Variants in PTPRT observed in about 807,000 individuals in gnomAD.
The protein encoded by PTPRT is receptor-type tyrosine-protein phosphatase T.
PTPRT carries 56 observed loss-of-function variants against 176.8 expected under a neutral mutation model. That is an observed-to-expected ratio of 0.32 (90% confidence interval 0.26 to 0.40). The LOEUF is 0.40. Ranked by LOEUF, PTPRT falls within the 10% of genes least tolerant of loss-of-function variation. The probability of loss-of-function intolerance (pLI) is 1.00; values close to 1 mark genes in which losing one functional copy is unlikely to be tolerated. For missense variants in PTPRT, 1,540 were observed against 1,908.2 expected, an observed-to-expected ratio of 0.81 and a Z score of 3.60; for synonymous variants, 783 against 739.0, an observed-to-expected ratio of 1.06 and a Z score of -0.96.
At chr20:43,171,246 A>C (rs1301677595) in intron 1 of PTPRT, among the ~76,000 whole-genome samples, 1 of 152,212 alleles carries the variant, frequency 6.6e-6, no homozygotes, top group African/African-American at 2.4e-5. Context: ...ACAAGACAGA[A>C]CACAGAATCT....
chr20:42,210,950 A>C (rs2055609476), intron 15 of PTPRT, among the ~76,000 whole-genome samples: 1 of 151,450 alleles, frequency 6.6e-6, no homozygotes, highest in Non-Finnish European at 1.5e-5. Context: ...AAACAGAGAT[A>C]TAGATCAATG....
At chr20:42,575,184 G>T (rs557150170) in intron 7 of PTPRT, among the ~76,000 whole-genome samples, 1 of 152,286 alleles carries the variant, frequency 6.6e-6, no homozygotes, top group East Asian at 1.9e-4. Context: ...ACGCAGGAAG[G>T]TGGGTCCCAG....
At chr20:42,794,617 C>A (rs944874714) in intron 2 of PTPRT, among the ~76,000 whole-genome samples, 6 of 152,216 alleles carry the variant, frequency 3.9e-5, no homozygotes, top group African/African-American at 1.4e-4. Context: ...CAGAAGGCTA[C>A]TCACCTATTA....
At chr20:42,713,519 C>T (rs1047382711) in intron 6 of PTPRT, among the ~76,000 whole-genome samples, 2 of 152,148 alleles carry the variant, frequency 1.3e-5, no homozygotes, top group Non-Finnish European at 1.5e-5. Context: ...TCATCCATTG[C>T]TCTTCAGAAA....
chr20:42,969,225 C>T (rs1435476966), intron 1 of PTPRT: 7 of 152,140 alleles, frequency 4.6e-5, no homozygotes, highest in Non-Finnish European at 1.5e-5. Context: ...GATGAATCCA[C>T]CTAGGGGTAG....
intron 9 of PTPRT, among the ~76,000 whole-genome samples, chr20:42,412,422 T>C (rs1250035293): frequency 1.3e-5 from 2 of 152,164 alleles, no homozygotes; most frequent in Non-Finnish European, 2.9e-5. Context: ...CAATGAGAAG[T>C]CCTCACAAGG....
chr20:42,806,498 A>C (rs2077611291), intron 2 of PTPRT, among the ~76,000 whole-genome samples: 1 of 151,888 alleles, frequency 6.6e-6, no homozygotes, highest in African/African-American at 2.4e-5. Flanking sequence ...AAAAAAAAAA[A>C]AAAACCCAAA....
chr20:42,326,350 A>G (rs1210177466), intron 11 of PTPRT, among the ~76,000 whole-genome samples: 2 of 152,218 alleles, frequency 1.3e-5, no homozygotes, highest in Admixed American at 1.3e-4. Context: ...CCAATGCAAT[A>G]AGACACAAAA....
At position 42,470,324 on chromosome 20, in the gene PTPRT, G is replaced by A. The variant is rs62204877; in HGVS notation, c.1450+1942C>T. Among the ~76,000 whole-genome samples the A allele has an allele frequency of 7.9e-3, 1,205 of 152,312 alleles. 11 individuals are homozygous for A. Among genetic ancestry groups the A allele is most frequent in the Middle Eastern group, 0.014 (4 of 294 alleles). On this transcript the variant is annotated intron_variant, in intron 8 of 30. Transcript: ENST00000373187. Reference sequence around the variant, plus strand: ...TTGCCTAACTTAGGACATCTGTGATGCATGGCCCACCCTGAACAGTTCCCT... The same window carrying A: ...TTGCCTAACTTAGGACATCTGTGATACATGGCCCACCCTGAACAGTTCCCT...
intron 9 of PTPRT, among the ~76,000 whole-genome samples, chr20:42,363,840 T>C (rs1600896353): frequency 6.6e-6 from 1 of 152,140 alleles, no homozygotes; most frequent in Non-Finnish European, 1.5e-5. Flanking sequence ...ACCCCGGCAG[T>C]ATGAATCTAG....
At chr20:42,258,866 C>G (rs930178008) in intron 13 of PTPRT, among the ~76,000 whole-genome samples, 2 of 152,158 alleles carry the variant, frequency 1.3e-5, no homozygotes, top group Admixed American at 1.3e-4. Context: ...TAGCTCTACC[C>G]TTGCTGTGGA....
chr20:42,709,908 C>G (rs1009790174), intron 6 of PTPRT, among the ~76,000 whole-genome samples: 1 of 152,120 alleles, frequency 6.6e-6, no homozygotes, highest in African/African-American at 2.4e-5. Flanking sequence ...TCATGTTACA[C>G]CCTAGCAAAA....
At chr20:42,693,664 A>G (rs1330665520) in intron 6 of PTPRT, among the ~76,000 whole-genome samples, 2 of 152,192 alleles carry the variant, frequency 1.3e-5, no homozygotes, top group Non-Finnish European at 2.9e-5. Flanking sequence ...CATATGAAAA[A>G]ATAACCTTCA....
intron 1 of PTPRT, among the ~76,000 whole-genome samples, chr20:43,046,011 C>T (rs1986822871): frequency 6.6e-6 from 1 of 151,808 alleles, no homozygotes; most frequent in South Asian, 2.1e-4. Flanking sequence ...ATGCAAAGGC[C>T]AAGAAATGGG....
At chr20:42,554,273 A>AC (rs1281591944) in intron 7 of PTPRT, among the ~76,000 whole-genome samples, 1 of 152,030 alleles carries the variant, frequency 6.6e-6, no homozygotes, top group African/African-American at 2.4e-5. Context: ...AAGCACTTGT[A>AC]CCCCCAAACC....
intron 1 of PTPRT, among the ~76,000 whole-genome samples, chr20:42,998,145 T>C (rs1051104566): frequency 1.3e-5 from 2 of 152,198 alleles, no homozygotes; most frequent in Admixed American, 1.3e-4. Context: ...ATGCAAACAT[T>C]AACCAGAGGA....
chr20:42,353,937 C>T (rs765884133), intron 9 of PTPRT, among the ~76,000 whole-genome samples: 3 of 152,030 alleles, frequency 2.0e-5, no homozygotes, highest in Non-Finnish European at 4.4e-5. Flanking sequence ...CATCTGTAGT[C>T]CCAGCTATTC....
chr20:42,036,062 C>T, the PTPRT span, among the ~76,000 whole-genome samples: 3 of 152,146 alleles, frequency 2.0e-5, no homozygotes, highest in South Asian at 2.1e-4. Flanking sequence ...GAGCTCAGTC[C>T]GACTGTAGCC....
Position 42,577,982 on chromosome 20 carries a change from CAT to C in PTPRT, c.1153+99882_1153+99883del, listed in dbSNP as rs1165497069. On this transcript the variant is annotated intron_variant, in intron 7 of 30. Coordinates refer to ENST00000373187, the MANE Select transcript of PTPRT (RefSeq NM_007050.6). Reference sequence around the variant, plus strand: ...GTGTGTGTGTGTGTAGGCATACCCACATGTGTGTGAATTCCCATTAGGAGGTG... The same window carrying C: ...GTGTGTGTGTGTGTAGGCATACCCACGTGTGTGAATTCCCATTAGGAGGTG... Among the ~76,000 whole-genome samples, 4 of 145,086 alleles carry C rather than the reference CAT, an allele frequency of 2.8e-5. No homozygotes were observed. The East Asian group carries it at 7.9e-4, about 29-fold the overall frequency.
Sources: allele counts gnomAD v4.1 joint callset (sites outside exome capture counted in the v4.1 genomes callset), GRCh38; gene constraint gnomAD v4.1.1; transcripts MANE v1.5; gene names NCBI Gene and HGNC (gene_info 2026-07-23, HGNC 2026-07-21).